The following SRGAP3 variants were observed in gnomAD, a reference collection of about 807,000 sequenced individuals.
SRGAP3 encodes SLIT-ROBO Rho GTPase activating protein 3.
SRGAP3 carries 39 observed loss-of-function variants against 121.1 expected under a neutral mutation model. The ratio of observed to expected loss-of-function variants is 0.32; its 90% CI spans 0.25 to 0.42. The LOEUF (loss-of-function observed/expected upper bound fraction) is 0.42, where lower values mean the gene tolerates loss of function less well. Among genes scored for constraint, SRGAP3 ranks in the 10% least tolerant of loss-of-function variants. The pLI, the probability that SRGAP3 is intolerant of heterozygous loss-of-function variation, is 1.00. For missense variants in SRGAP3, 1,213 were observed against 1,470.6 expected (o/e 0.82, Z 2.86); for synonymous variants, 601 against 570.0 (o/e 1.05, Z -0.77).
chr3:9,250,635 C>A (rs1455113619), upstream of SRGAP3, among the ~76,000 whole-genome samples: 1 of 152,164 alleles, frequency 6.6e-6, no homozygotes, highest in Non-Finnish European at 1.5e-5. Flanking sequence ...GTCTCTGGTG[C>A]ATAGCAAGCA....
chr3:9,275,179 A>C (rs1188665222), intron 3 of SRGAP3, among the ~76,000 whole-genome samples: 1 of 152,060 alleles, frequency 6.6e-6, no homozygotes, highest in Non-Finnish European at 1.5e-5. Flanking sequence ...TGTGCATAAC[A>C]TGGGAAAACT....
chr3:9,167,016 C>T (rs555921209), intron 1 of SRGAP3, among the ~76,000 whole-genome samples: 14 of 152,288 alleles, frequency 9.2e-5, no homozygotes, highest in African/African-American at 2.6e-4. Context: ...CTACCTGACT[C>T]AACTATCCCT....
At chr3:9,328,510 T>C (rs1024128890) in intron 2 of SRGAP3, among the ~76,000 whole-genome samples, 2 of 152,216 alleles carry the variant, frequency 1.3e-5, no homozygotes, top group Non-Finnish European at 2.9e-5. Flanking sequence ...TTTAATAAAG[T>C]CCTTTTAAAA....
chr3:8,997,753 C>T (rs766919203), intron 18 of SRGAP3, among the ~76,000 whole-genome samples: 70 of 152,292 alleles, frequency 4.6e-4, no homozygotes, highest in African/African-American at 1.7e-3. Context: ...GCACATTTTA[C>T]GATGCTAGAT....
intron 1 of SRGAP3, among the ~76,000 whole-genome samples, chr3:9,204,296 C>T (rs1024458680): frequency 6.6e-6 from 1 of 152,240 alleles, no homozygotes; most frequent in Non-Finnish European, 1.5e-5. Context: ...CCTGGACACA[C>T]AGCCCTGGAC....
chr3:9,080,225 T>C (rs1947175316), intron 3 of SRGAP3, 138 bp from the exon 4 acceptor site: 1 of 766,736 alleles, frequency 1.3e-6, no homozygotes, highest in South Asian at 1.7e-5. Flanking sequence ...ATTTCATTGA[T>C]CTACAACAAC....
At chr3:9,080,446 C>A (rs1254925601) in intron 3 of SRGAP3, among the ~76,000 whole-genome samples, 1 of 152,210 alleles carries the variant, frequency 6.6e-6, no homozygotes, top group African/African-American at 2.4e-5. Flanking sequence ...AGGGTCTGAG[C>A]TCCTTGCACA....
intron 3 of SRGAP3, among the ~76,000 whole-genome samples, chr3:9,104,160 G>A (rs1948323680): frequency 6.6e-6 from 1 of 152,174 alleles, no homozygotes; most frequent in African/African-American, 2.4e-5. Flanking sequence ...AAATGTAATA[G>A]AGTGTTACGT....
chr3:9,220,161 T>G (rs1164446203), intron 1 of SRGAP3, among the ~76,000 whole-genome samples: 1 of 152,076 alleles, frequency 6.6e-6, no homozygotes, highest in African/African-American at 2.4e-5. Flanking sequence ...ATTGGCTATT[T>G]CATAGTAGCT....
chr3:9,057,463 A>G (rs1482849396), intron 7 of SRGAP3, among the ~76,000 whole-genome samples: 6 of 152,222 alleles, frequency 3.9e-5, no homozygotes. Context: ...GGGCAGACAC[A>G]GCAGTGCAGC....
In SRGAP3 at chr3:8,990,566, G is replaced by C; in HGVS notation, c.2832C>G (p.Thr944=). ...TGTGGTCCCCTAGGCTGCTGTGCCT[G>C]GTGGAACCGCAGGTCGACCTCATCG... is the stretch of plus-strand genomic sequence containing the variant. ...GHSMRSTCGS[T]RHSSLGDHKS... The change falls in exon 21 of 22, where the codon ACC becomes ACG. Residue 944 remains threonine, a synonymous_variant. Transcript: ENST00000383836. The C allele has an allele frequency of 6.3e-7, 1 of 1,585,450 alleles. No homozygotes were observed. The highest frequency in any genetic ancestry group is 8.6e-7 in the Non-Finnish European group (1 of 1,166,064).
chr3:9,202,333 G>A (rs1448337373), intron 1 of SRGAP3, among the ~76,000 whole-genome samples: 1 of 152,170 alleles, frequency 6.6e-6, no homozygotes. Context: ...GGCCTCTTCT[G>A]TCCCCATAGC....
chr3:9,150,319 C>G (rs1320547403), intron 1 of SRGAP3, among the ~76,000 whole-genome samples: 1 of 151,998 alleles, frequency 6.6e-6, no homozygotes, highest in Non-Finnish European at 1.5e-5. Context: ...AAGTGACCAT[C>G]TGGCTGGAGC....
chr3:9,240,677 C>G (rs776937670), intron 1 of SRGAP3, among the ~76,000 whole-genome samples: 1 of 152,226 alleles, frequency 6.6e-6, no homozygotes, highest in Non-Finnish European at 1.5e-5. Context: ...CTGAAAGCCA[C>G]AGCCCCTCTC....
chr3:9,310,037 G>A (rs1038444765), intron 3 of SRGAP3, among the ~76,000 whole-genome samples: 1 of 152,110 alleles, frequency 6.6e-6, no homozygotes, highest in Non-Finnish European at 1.5e-5. Context: ...CAAACTGGTG[G>A]AATTAATACT....
At chr3:9,199,962 CA>C (rs1308225708) in intron 1 of SRGAP3, among the ~76,000 whole-genome samples, 13 of 152,174 alleles carry the variant, frequency 8.5e-5, no homozygotes, top group Admixed American at 5.9e-4. Context: ...AGAAAAAAAT[CA>C]AGCCTTCAGA....
At chr3:9,299,344 A>G (rs1955008525) in intron 3 of SRGAP3, among the ~76,000 whole-genome samples, 1 of 146,456 alleles carries the variant, frequency 6.8e-6, no homozygotes, top group Admixed American at 6.9e-5. Context: ...CTGGTGGCAG[A>G]GCGAGACTCC....
intron 12 of SRGAP3, among the ~76,000 whole-genome samples, chr3:9,031,194 T>C (rs7617156): frequency 0.63 from 96,123 of 152,070 alleles, 31,822 homozygotes; most frequent in African/African-American, 0.84. Flanking sequence ...TGTTTAAAAT[T>C]GCCCAAGCTC....
intron 1 of SRGAP3, among the ~76,000 whole-genome samples, chr3:9,136,156 TC>T (rs1402710420): frequency 2.0e-5 from 3 of 149,810 alleles, no homozygotes; most frequent in African/African-American, 7.3e-5. Context: ...CCCGCCCTCC[TC>T]GCAGGCCTGG....
Sources: allele counts gnomAD v4.1 joint callset (sites outside exome capture counted in the v4.1 genomes callset), GRCh38; gene constraint gnomAD v4.1.1; transcripts MANE v1.5; gene names NCBI Gene and HGNC (gene_info 2026-07-23, HGNC 2026-07-21).